The following PRKN variants were observed in gnomAD, a reference collection of about 807,000 sequenced individuals.
PRKN encodes the protein parkin RBR E3 ubiquitin protein ligase, also known as E3 ubiquitin-protein ligase parkin.
Under a neutral mutation model 59.5 loss-of-function variants are expected in PRKN, and 56 were observed. The ratio of observed to expected loss-of-function variants is 0.94; its 90% CI spans 0.76 to 1.18. The LOEUF (loss-of-function observed/expected upper bound fraction) is 1.18. PRKN is among the 50% of genes most tolerant of loss of function. The probability of loss-of-function intolerance (pLI) is 0.00; values close to 1 mark genes in which losing one functional copy is unlikely to be tolerated. For missense variants in PRKN, 657 were observed against 596.4 expected, an observed-to-expected ratio of 1.10 and a Z score of -1.06; for synonymous variants, 250 against 222.1, an observed-to-expected ratio of 1.13 and a Z score of -1.12.
At position 162,588,013 on chromosome 6, in the gene PRKN, G is replaced by C. The variant is rs1317576559; in HGVS notation, c.7+139649C>G. 8.8e-5 allele frequency among the ~76,000 whole-genome samples: 12 copies of C among 136,668 alleles called. No homozygotes were observed. In the Admixed American group the frequency reaches 9.0e-4, roughly 10 times the overall value. The allele number at this position is 136,668 out of a possible 152,430, so 89.7% of individuals were successfully genotyped here. On this transcript the variant is annotated intron_variant, in intron 1 of 11. Transcript: ENST00000366898. Reference sequence around the variant, plus strand: ...ATACTTGAACTAAGTGAGTTTTTGAGTTTTTTTTTTTTTTTTAGATGGAGT... The same window carrying C: ...ATACTTGAACTAAGTGAGTTTTTGACTTTTTTTTTTTTTTTTAGATGGAGT...
At chr6:162,085,810 C>A (rs981389093) in intron 4 of PRKN, among the ~76,000 whole-genome samples, 1 of 151,814 alleles carries the variant, frequency 6.6e-6, no homozygotes, top group African/African-American at 2.4e-5. Context: ...GTGAAAAACA[C>A]TTTTATGACA....
At chr6:162,491,803 A>G (rs1281430237) in intron 1 of PRKN, among the ~76,000 whole-genome samples, 1 of 152,220 alleles carries the variant, frequency 6.6e-6, no homozygotes, top group Admixed American at 6.5e-5. Context: ...ACTTCCGGGC[A>G]TGGCTCCATG....
At chr6:162,501,890 C>T (rs1415514239) in intron 1 of PRKN, among the ~76,000 whole-genome samples, 1 of 148,060 alleles carries the variant, frequency 6.8e-6, no homozygotes, top group Non-Finnish European at 1.5e-5. Context: ...TGCAGCAAAC[C>T]TCTTCAGGCT....
chr6:162,584,030 G>C (rs62430904), intron 1 of PRKN, among the ~76,000 whole-genome samples: 1 of 151,926 alleles, frequency 6.6e-6, no homozygotes, highest in South Asian at 2.1e-4. Context: ...TGGCTAACAC[G>C]GTGAAACCCC....
At chr6:162,169,845 A>G (rs1783181822) in intron 4 of PRKN, among the ~76,000 whole-genome samples, 1 of 152,192 alleles carries the variant, frequency 6.6e-6, no homozygotes, top group Non-Finnish European at 1.5e-5. Context: ...GAGCTTCTCC[A>G]TTGTTACAAC....
intron 1 of PRKN, among the ~76,000 whole-genome samples, chr6:162,659,120 G>A (rs1239233872): frequency 1.3e-5 from 2 of 152,104 alleles, no homozygotes; most frequent in Non-Finnish European, 2.9e-5. Context: ...TATTATGAAT[G>A]TTAAATGTTA....
chr6:162,070,485 T>A (rs1778529204), intron 4 of PRKN, among the ~76,000 whole-genome samples: 1 of 152,154 alleles, frequency 6.6e-6, no homozygotes, highest in South Asian at 2.1e-4. Flanking sequence ...AACGTGGCTC[T>A]TTTGCATGGC....
At chr6:161,723,218 G>A (rs1287064085) in intron 7 of PRKN, among the ~76,000 whole-genome samples, 1 of 151,182 alleles carries the variant, frequency 6.6e-6, no homozygotes, top group East Asian at 1.9e-4. Context: ...GCAGTGAGCC[G>A]AGATTGCACC....
Position 161,552,800 on chromosome 6 carries a change from G to GT in PRKN, c.934-3798dup, listed in dbSNP as rs1270027394. On this transcript the variant is annotated intron_variant, in intron 8 of 11. Coordinates refer to ENST00000366898, the MANE Select transcript of PRKN (RefSeq NM_004562.3). This position sits in a 1 kb window ranked among gnomAD's most constrained non-coding sequence, Gnocchi z 4.9. ...GGTTTTGTTGTTGTTTTTGTTTTTTGTTTTTTTTTTTTAGACGGAGTCTCG... is the reference window on the plus strand; with the variant it reads ...GGTTTTGTTGTTGTTTTTGTTTTTTGTTTTTTTTTTTTTAGACGGAGTCTCG... Among the ~76,000 whole-genome samples the GT allele has an allele frequency of 3.1e-3, 430 of 139,764 alleles. 1 individual carries two copies. Among genetic ancestry groups the GT allele is most frequent in the African/African-American group, 6.2e-3 (238 of 38,250 alleles). The allele number at this position is 139,764 out of a possible 152,430, so 91.7% of individuals were successfully genotyped here. A position where few individuals can be genotyped will look rare whatever the true frequency, so the allele number is the denominator to read the frequency against.
intron 1 of PRKN, among the ~76,000 whole-genome samples, chr6:162,603,804 AG>A (rs1781800138): frequency 6.6e-6 from 1 of 152,148 alleles, no homozygotes; most frequent in Non-Finnish European, 1.5e-5. Context: ...ACAGATGGGA[AG>A]GGCTGTCACA....
intron 7 of PRKN, among the ~76,000 whole-genome samples, chr6:161,594,199 T>C (rs556342908): frequency 6.6e-6 from 1 of 152,152 alleles, no homozygotes; most frequent in East Asian, 1.9e-4. Flanking sequence ...CTGCTGGACT[T>C]CATGCCAAAT....
At chr6:162,517,318 GCTCACTGCAAGGTCTGT>G (rs1205946360) in intron 1 of PRKN, among the ~76,000 whole-genome samples, 2 of 151,140 alleles carry the variant, frequency 1.3e-5, no homozygotes, top group Non-Finnish European at 3.0e-5. Context: ...CACAATCTCG[GCTCACTGCAAGGTCTGT>G]CTCCCGGGTT....
intron 1 of PRKN, among the ~76,000 whole-genome samples, chr6:162,657,166 GA>G (rs1382414134): frequency 4.6e-5 from 7 of 152,018 alleles, no homozygotes; most frequent in Non-Finnish European, 1.0e-4. Context: ...ATGAATGAAT[GA>G]AAAAATGAAT....
Position 161,588,075 on chromosome 6 carries a change from T to TG in PRKN, c.872-18660_872-18659insC, listed in dbSNP as rs1411084646. ...AAGACCATGTCAATAGAGCGTTAATTATTAGGATTAAAAATTTACTCTATG... is the reference window on the plus strand; with the variant it reads ...AAGACCATGTCAATAGAGCGTTAATTGATTAGGATTAAAAATTTACTCTATG... On this transcript the variant is annotated intron_variant, in intron 7 of 11. Coordinates refer to ENST00000366898, the MANE Select transcript of PRKN (RefSeq NM_004562.3). This position sits in a 1 kb window ranked among gnomAD's most constrained non-coding sequence, Gnocchi z 5.0. Among the ~76,000 whole-genome samples, 1 of 152,134 alleles carries TG rather than the reference T, an allele frequency of 6.6e-6. No homozygotes were observed. Among genetic ancestry groups the TG allele is most frequent in the African/African-American group, 2.4e-5 (1 of 41,424 alleles).
At chr6:162,031,516 CTTTTCT>C in intron 5 of PRKN, among the ~76,000 whole-genome samples, 1 of 149,738 alleles carries the variant, frequency 6.7e-6, no homozygotes, top group East Asian at 1.9e-4. Flanking sequence ...AAAAGAGTCA[CTTTTCT>C]TTTTCTTTTC....
intron 9 of PRKN, among the ~76,000 whole-genome samples, chr6:161,435,885 G>A (rs549570030): frequency 1.0e-4 from 9 of 90,036 alleles, no homozygotes; most frequent in Admixed American, 5.3e-4. Context: ...CCCTGAGGCC[G>A]ACCCACTCCT....
At chr6:161,907,701 G>C (rs773526815) in intron 6 of PRKN, among the ~76,000 whole-genome samples, 7 of 152,164 alleles carry the variant, frequency 4.6e-5, no homozygotes, top group Non-Finnish European at 1.0e-4. Flanking sequence ...TGTAGAGTTC[G>C]GACTGTATTT....
In PRKN at chr6:162,587,198, G is replaced by A. The variant is rs752374097; in HGVS notation, c.7+140464C>T. Among the ~76,000 whole-genome samples, 6 of 152,128 alleles carry A rather than the reference G, an allele frequency of 3.9e-5. No individual in the cohort carries two copies. The East Asian group carries it at 5.8e-4, about 15-fold the overall frequency. ...GTTACCCACGCTGGAGTACAGTGGC[G>A]CAATCTCGGCTCATTCAACCTCTGC... On this transcript the variant is annotated intron_variant, in intron 1 of 11. Coordinates refer to ENST00000366898, the MANE Select transcript of PRKN (RefSeq NM_004562.3).
In PRKN at chr6:161,552,716, A is replaced by T. The variant is rs981441387; in HGVS notation, c.934-3713T>A. Among the ~76,000 whole-genome samples, 1 of 152,034 alleles carries T rather than the reference A, an allele frequency of 6.6e-6. No homozygotes were observed. The highest frequency in any genetic ancestry group is 2.1e-4 in the South Asian group (1 of 4,822). ...CACAGAACTTTACCAGGTCCGCCTG[A>T]AGCCCTCCATGTATCTATTCTCATC... is the stretch of plus-strand genomic sequence containing the variant. On this transcript the variant is annotated intron_variant, in intron 8 of 11. Transcript: ENST00000366898. The surrounding 1 kb of genome is among the most constrained non-coding windows in gnomAD (Gnocchi z 4.9).
Sources: allele counts gnomAD v4.1 joint callset (sites outside exome capture counted in the v4.1 genomes callset), GRCh38; gene constraint gnomAD v4.1.1; non-coding constraint Gnocchi (gnomAD v3.1); transcripts MANE v1.5; gene names NCBI Gene and HGNC (gene_info 2026-07-23, HGNC 2026-07-21).